Variants in SPMIP2 observed in about 807,000 individuals in gnomAD.
The protein encoded by SPMIP2 is sperm microtubule inner protein 2.
the SPMIP2 span, among the ~76,000 whole-genome samples, chr4:158,942,596 C>T: frequency 6.6e-6 from 1 of 152,098 alleles, no homozygotes; most frequent in East Asian, 1.9e-4. Context: ...ATGATGAAAC[C>T]CCATCTCTAC....
chr4:158,929,898 G>A, the SPMIP2 span, among the ~76,000 whole-genome samples: 1 of 152,092 alleles, frequency 6.6e-6, no homozygotes, highest in South Asian at 2.1e-4. Flanking sequence ...ATGTGGATTT[G>A]AGTTCATGTG....
chr4:158,921,117 G>A, the SPMIP2 span, among the ~76,000 whole-genome samples: 5 of 149,394 alleles, frequency 3.3e-5, no homozygotes, highest in South Asian at 2.2e-4. Flanking sequence ...GTGCTGTCTC[G>A]TGACAGAGTT....
At chr4:159,080,592 C>A in the SPMIP2 span, among the ~76,000 whole-genome samples, 1 of 152,162 alleles carries the variant, frequency 6.6e-6, no homozygotes, top group Non-Finnish European at 1.5e-5. Context: ...CAGCGATTCC[C>A]CATTATTAAC....
the SPMIP2 span, among the ~76,000 whole-genome samples, chr4:158,924,018 T>C: frequency 6.6e-6 from 1 of 152,142 alleles, no homozygotes; most frequent in Non-Finnish European, 1.5e-5. Flanking sequence ...ACAGGTGTCC[T>C]TATAAGAAGA....
chr4:158,955,236 T>C, the SPMIP2 span, among the ~76,000 whole-genome samples: 1 of 152,182 alleles, frequency 6.6e-6, no homozygotes, highest in Non-Finnish European at 1.5e-5. Context: ...GCTGAAATCA[T>C]CTGTTACATC....
chr4:158,949,241 G>A, the SPMIP2 span, among the ~76,000 whole-genome samples: 1 of 152,146 alleles, frequency 6.6e-6, no homozygotes, highest in African/African-American at 2.4e-5. Context: ...GGCCTGCTTT[G>A]TTCAGGATAG....
At chr4:159,038,223 C>G in the SPMIP2 span, among the ~76,000 whole-genome samples, 2 of 152,310 alleles carry the variant, frequency 1.3e-5, no homozygotes, top group East Asian at 1.9e-4. Context: ...GTTGCTAACC[C>G]TGCCACCATC....
the SPMIP2 span, among the ~76,000 whole-genome samples, chr4:159,004,287 C>CTTT: frequency 4.2e-5 from 1 of 23,602 alleles, no homozygotes; most frequent in African/African-American, 1.4e-4. Flanking sequence ...CTACTCTGTG[C>CTTT]TCTTTTTTTT....
chr4:159,026,420 A>G, the SPMIP2 span: 1 of 984,798 alleles, frequency 1.0e-6, no homozygotes. Context: ...CAGGAGTGGG[A>G]TGGGAAGAAA....
the SPMIP2 span, among the ~76,000 whole-genome samples, chr4:159,073,893 A>T: frequency 6.6e-6 from 1 of 152,068 alleles, no homozygotes; most frequent in South Asian, 2.1e-4. Flanking sequence ...AATCCCAGCT[A>T]CTCGGGGGGC....
At chr4:159,014,078 A>G in the SPMIP2 span, among the ~76,000 whole-genome samples, 1 of 152,200 alleles carries the variant, frequency 6.6e-6, no homozygotes, top group Non-Finnish European at 1.5e-5. Context: ...TCCACTTTAA[A>G]ATAGTTAAAA....
the SPMIP2 span, chr4:158,915,355 G>T: frequency 6.2e-7 from 1 of 1,608,670 alleles, no homozygotes; most frequent in Admixed American, 1.7e-5. Context: ...TGAGGTTTTG[G>T]TTGCCTGGAA....
At chr4:158,916,966 T>C in the SPMIP2 span, among the ~76,000 whole-genome samples, 1 of 151,386 alleles carries the variant, frequency 6.6e-6, no homozygotes, top group African/African-American at 2.4e-5. Context: ...TTAAAAATGG[T>C]CCTGCTGGGC....
At chr4:159,036,753 G>A in the SPMIP2 span, among the ~76,000 whole-genome samples, 1 of 152,208 alleles carries the variant, frequency 6.6e-6, no homozygotes, top group South Asian at 2.1e-4. Context: ...ACTGATCTTT[G>A]GTGTCATTTT....
the SPMIP2 span, among the ~76,000 whole-genome samples, chr4:158,940,755 T>C: frequency 0.65 from 99,077 of 151,920 alleles, 32,749 homozygotes; most frequent in East Asian, 0.88. Context: ...AGTATGGACT[T>C]GTGAATGTTC....
chr4:158,973,070 G>C, the SPMIP2 span: 14 of 1,481,878 alleles, frequency 9.4e-6, no homozygotes, highest in East Asian at 3.2e-4. Context: ...ATAAATTTAA[G>C]AGCAATACCT....
the SPMIP2 span, among the ~76,000 whole-genome samples, chr4:159,056,796 G>C: frequency 3.9e-5 from 6 of 152,144 alleles, no homozygotes; most frequent in African/African-American, 1.2e-4. Context: ...GGGATCCATG[G>C]GCTGGAGTAA....
the SPMIP2 span, chr4:158,906,928 AC>A: frequency 6.6e-6 from 1 of 152,208 alleles, no homozygotes; most frequent in African/African-American, 2.4e-5. Flanking sequence ...TCCCATGCCC[AC>A]CTCAAGAAAA....
the SPMIP2 span, among the ~76,000 whole-genome samples, chr4:158,940,442 A>G: frequency 0.024 from 3,726 of 152,198 alleles, 149 homozygotes; most frequent in African/African-American, 0.083. Flanking sequence ...ACCAAGATGC[A>G]CTAAATATCT....
Sources: gnomAD v4.1 joint callset for allele counts (sites outside exome capture counted in the v4.1 genomes callset) on GRCh38, gnomAD v4.1.1 for gene constraint, MANE v1.5 for transcripts, NCBI Gene and HGNC (gene_info 2026-07-23, HGNC 2026-07-21) for gene names.